CLNK: variants seen among roughly 807,000 people sequenced by gnomAD.
CLNK encodes cytokine-dependent hematopoietic cell linker.
CLNK carries 74 observed loss-of-function variants against 68.6 expected under a neutral mutation model. The observed-to-expected ratio is 1.08, with a 90% CI of 0.89 to 1.31. CLNK has a LOEUF of 1.31. Among genes scored for constraint, CLNK ranks in the 50% most tolerant of loss-of-function variants. The probability of loss-of-function intolerance (pLI) is 0.00; values close to 1 mark genes in which losing one functional copy is unlikely to be tolerated. For synonymous variants in CLNK, 198 were observed against 172.2 expected (o/e 1.15, Z -1.17); for missense variants, 553 against 515.3 (o/e 1.07, Z -0.71).
the CLNK span, among the ~76,000 whole-genome samples, chr4:10,715,112 T>A: frequency 6.6e-6 from 1 of 152,202 alleles, no homozygotes; most frequent in Non-Finnish European, 1.5e-5. Flanking sequence ...CATATTATTG[T>A]CCTTTATATA....
chr4:10,717,021 A>G, the CLNK span, among the ~76,000 whole-genome samples: 2 of 64,586 alleles, frequency 3.1e-5, no homozygotes, highest in East Asian at 2.6e-4. Context: ...AACGCCACAG[A>G]AAAAAAAAAA....
intron 2 of CLNK, among the ~76,000 whole-genome samples, chr4:10,618,919 C>G (rs1331955888): frequency 6.6e-6 from 1 of 152,244 alleles, no homozygotes; most frequent in Non-Finnish European, 1.5e-5. Context: ...GGCATTACAA[C>G]TGGACCTGAG....
At chr4:10,531,981 T>C (rs984810159) in intron 12 of CLNK, among the ~76,000 whole-genome samples, 8 of 152,232 alleles carry the variant, frequency 5.3e-5, no homozygotes, top group African/African-American at 1.7e-4. Flanking sequence ...CAGTCGATAC[T>C]GTATATCTTC....
intron 2 of CLNK, among the ~76,000 whole-genome samples, chr4:10,639,710 C>T (rs560542747): frequency 1.5e-3 from 232 of 152,284 alleles, no homozygotes; most frequent in African/African-American, 5.4e-3. Flanking sequence ...TTGTACTAGT[C>T]ACATTTTTAA....
chr4:10,664,492 G>A (rs6448176), intron 2 of CLNK, among the ~76,000 whole-genome samples: 42,546 of 152,122 alleles, frequency 0.28, 6,128 homozygotes, highest in Admixed American at 0.32. Flanking sequence ...CCTGACATGT[G>A]GCTCCTTCTC....
chr4:10,702,103 G>A, the CLNK span, among the ~76,000 whole-genome samples: 9 of 152,198 alleles, frequency 5.9e-5, no homozygotes, highest in East Asian at 1.2e-3. Flanking sequence ...TTATTCTGAA[G>A]ACAATGAGAA....
the CLNK span, among the ~76,000 whole-genome samples, chr4:10,698,514 A>G: frequency 3.3e-5 from 5 of 152,346 alleles, no homozygotes; most frequent in South Asian, 1.0e-3. Context: ...AAAATCTGTG[A>G]AGCTAATTTT....
In CLNK at chr4:10,501,509, A is replaced by G. The variant is rs78980787; in HGVS notation, c.985-98T>C. ...ATGTCTGCATGCATGAGATTCCCAGATGGATTTAGTTTTTGGTAAACCACT... is the reference window on the plus strand; with the variant it reads ...ATGTCTGCATGCATGAGATTCCCAGGTGGATTTAGTTTTTGGTAAACCACT... On this transcript the variant is annotated intron_variant, in intron 17 of 18. Coordinates refer to ENST00000226951, the MANE Select transcript of CLNK (RefSeq NM_052964.4). 316 of 1,270,250 alleles carry G rather than the reference A, an allele frequency of 2.5e-4. 4 individuals carry two copies. In the East Asian group the frequency reaches 7.5e-3, roughly 30 times the overall value. 78.7% of individuals were successfully genotyped at this position (1,270,250 alleles called of 1,614,324 possible). A position where few individuals can be genotyped will look rare whatever the true frequency, so the allele number is the denominator to read the frequency against.
the CLNK span, among the ~76,000 whole-genome samples, chr4:10,695,284 T>A: frequency 2.0e-5 from 3 of 152,206 alleles, no homozygotes; most frequent in East Asian, 5.8e-4. Context: ...AACCTCACAT[T>A]GTACTCCTTA....
At chr4:10,639,201 C>T (rs1049476567) in intron 2 of CLNK, among the ~76,000 whole-genome samples, 2 of 152,338 alleles carry the variant, frequency 1.3e-5, no homozygotes, top group East Asian at 1.9e-4. Flanking sequence ...CCCTTTCTTG[C>T]ACTGCTGAGT....
intron 11 of CLNK, 44 bp downstream of exon 11, chr4:10,540,450 C>T: frequency 6.8e-7 from 1 of 1,464,396 alleles, no homozygotes. Flanking sequence ...CCCCCACACC[C>T]ACACTCTTGC....
chr4:10,599,347 T>C (rs949677980), intron 2 of CLNK, among the ~76,000 whole-genome samples: 1 of 152,212 alleles, frequency 6.6e-6, no homozygotes, highest in African/African-American at 2.4e-5. Context: ...CATAATAAAT[T>C]TAAAAATCTG....
At chr4:10,655,846 T>C (rs1429111320) in intron 2 of CLNK, among the ~76,000 whole-genome samples, 1 of 151,964 alleles carries the variant, frequency 6.6e-6, no homozygotes, top group Non-Finnish European at 1.5e-5. Context: ...AGATGGGGTT[T>C]CACCGTGTTA....
intron 2 of CLNK, among the ~76,000 whole-genome samples, chr4:10,650,655 G>T (rs928872326): frequency 2.0e-5 from 3 of 152,048 alleles, no homozygotes; most frequent in Admixed American, 2.0e-4. Flanking sequence ...AGTTATCATT[G>T]TAAGAAAATA....
chr4:10,493,187 A>T (rs570910911), intron 18 of CLNK, among the ~76,000 whole-genome samples: 1 of 152,168 alleles, frequency 6.6e-6, no homozygotes. Context: ...GCATGGTGGC[A>T]TGTGCCTGTA....
intron 16 of CLNK, among the ~76,000 whole-genome samples, chr4:10,509,321 G>T (rs1717463770): frequency 1.3e-5 from 2 of 152,090 alleles, no homozygotes; most frequent in African/African-American, 4.8e-5. Context: ...GTATGAGCTA[G>T]CTCTAACTCA....
the CLNK span, among the ~76,000 whole-genome samples, chr4:10,710,937 C>T: frequency 6.6e-6 from 1 of 152,162 alleles, no homozygotes; most frequent in East Asian, 1.9e-4. Context: ...TTTGCTTTGA[C>T]TTTGGAACCC....
chr4:10,490,728 G>T, intron 18 of CLNK, 115 bp from the exon 19 acceptor site: 1 of 791,902 alleles, frequency 1.3e-6, no homozygotes, highest in African/African-American at 1.8e-5. Flanking sequence ...ATTTAACAAT[G>T]TTTGTATGGT....
intron 8 of CLNK, among the ~76,000 whole-genome samples, chr4:10,552,478 T>C (rs1279060528): frequency 6.6e-6 from 1 of 152,060 alleles, no homozygotes; most frequent in Non-Finnish European, 1.5e-5. Flanking sequence ...TTTGGAGATA[T>C]CTTTCCCAGT....
Sources: allele counts gnomAD v4.1 joint callset (sites outside exome capture counted in the v4.1 genomes callset), GRCh38; gene constraint gnomAD v4.1.1; transcripts MANE v1.5; gene names NCBI Gene and HGNC (gene_info 2026-07-23, HGNC 2026-07-21).